Variants in RNF180 observed in about 807,000 individuals in gnomAD.
RNF180 encodes ring finger protein 180, also known as E3 ubiquitin-protein ligase RNF180.
A neutral mutation model predicts 59.2 loss-of-function variants in RNF180; 38 were observed. The observed-to-expected ratio is 0.64, with a 90% CI of 0.50 to 0.84. The LOEUF (loss-of-function observed/expected upper bound fraction) is 0.84, where lower values mean the gene tolerates loss of function less well. Among genes scored for constraint, RNF180 ranks in the 40% least tolerant of loss-of-function variants. RNF180 has a pLI of 0.00. For missense variants in RNF180, 705 were observed against 700.9 expected, an observed-to-expected ratio of 1.01 and a Z score of -0.07; for synonymous variants, 262 against 240.3, an observed-to-expected ratio of 1.09 and a Z score of -0.84.
At chr5:64,257,702 G>C (rs1320209979) in intron 5 of RNF180, among the ~76,000 whole-genome samples, 1 of 152,114 alleles carries the variant, frequency 6.6e-6, no homozygotes, top group African/African-American at 2.4e-5. Flanking sequence ...TTTGGTATCA[G>C]GATGATGCTG....
Position 64,287,125 on chromosome 5 carries a change from C to A in RNF180, c.1228-38061C>A, listed in dbSNP as rs898557585. Among the ~76,000 whole-genome samples, 8 of 152,240 alleles carry A rather than the reference C, an allele frequency of 5.3e-5. No individual in the cohort carries two copies. In the East Asian group the frequency reaches 1.6e-3, roughly 30 times the overall value. On this transcript the variant is annotated intron_variant, in intron 5 of 7. Transcript: ENST00000389100. The stretch of plus-strand genomic sequence containing the variant: ...AGAATTACAGGCACCTGCCACCACA[C>A]CTGGCTGATTTTTGTATTTTTAGTA...
chr5:64,214,586 A>G, intron 4 of RNF180, 69 bp downstream of exon 4: 4 of 1,357,798 alleles, frequency 2.9e-6, no homozygotes, highest in Non-Finnish European at 4.1e-6. Context: ...AGTGGAGCTA[A>G]CTTTCAACAT....
rs1174792706 is a variant in RNF180 at position 64,180,924 on chromosome 5, CAA to C, written c.-1+14972_-1+14973del. ...GGGTTCTCTAGAGGGGCAGAACTAA[CAA>C]GTCTGGATCCCAAAACCTCAAAAGT... On this transcript the variant is annotated intron_variant, in intron 1 of 7. Coordinates refer to ENST00000389100, the MANE Select transcript of RNF180 (RefSeq NM_001113561.2). 2.0e-5 allele frequency among the ~76,000 whole-genome samples: 3 copies of C among 152,236 alleles called. No homozygotes were observed. The East Asian group carries it at 5.8e-4, about 29-fold the overall frequency.
Position 64,276,322 on chromosome 5 carries a change from GT to G in RNF180, c.1228-48863del, listed in dbSNP as rs1561233344. Among the ~76,000 whole-genome samples, 648 of 91,722 alleles carry G rather than the reference GT, an allele frequency of 7.1e-3. 5 individuals carry two copies. The highest frequency in any genetic ancestry group is 0.024 in the African/African-American group (592 of 24,698). 60.2% of individuals were successfully genotyped at this position (91,722 alleles called of 152,430 possible). On this transcript the variant is annotated intron_variant, in intron 5 of 7. Coordinates refer to ENST00000389100, the MANE Select transcript of RNF180 (RefSeq NM_001113561.2). ...AACTGGGAACAAAAAATACATTGGT[GT>G]GTGTGTGTGTGTGTGTGTGTGTGTG...
chr5:64,175,645 T>C (rs923470377), intron 1 of RNF180, among the ~76,000 whole-genome samples: 22 of 152,182 alleles, frequency 1.4e-4, no homozygotes, highest in African/African-American at 5.3e-4. Context: ...TTTCATTGCT[T>C]TGAAAAATGT....
intron 5 of RNF180, among the ~76,000 whole-genome samples, chr5:64,232,974 T>G (rs1742189722): frequency 6.6e-6 from 1 of 152,234 alleles, no homozygotes; most frequent in Non-Finnish European, 1.5e-5. Context: ...ACCAATATGC[T>G]CCATCCTCTG....
At chr5:64,350,214 C>G (rs1229039389) in intron 7 of RNF180, among the ~76,000 whole-genome samples, 1 of 152,102 alleles carries the variant, frequency 6.6e-6, no homozygotes, top group East Asian at 1.9e-4. Context: ...TAAATGTCTT[C>G]TTTTGAGAAG....
chr5:64,308,203 TTG>T (rs1490299407), intron 5 of RNF180, among the ~76,000 whole-genome samples: 1 of 151,794 alleles, frequency 6.6e-6, no homozygotes, highest in Non-Finnish European at 1.5e-5. Flanking sequence ...TCCTCATTAT[TTG>T]TTAGTTCCAC....
intron 5 of RNF180, among the ~76,000 whole-genome samples, chr5:64,282,030 A>G (rs916429700): frequency 4.6e-5 from 7 of 152,096 alleles, no homozygotes. Context: ...GGATTTTTGC[A>G]TCCGTGTTCA....
chr5:64,295,050 TTAAATG>T (rs1476091938), intron 5 of RNF180, among the ~76,000 whole-genome samples: 1 of 152,192 alleles, frequency 6.6e-6, no homozygotes, highest in Admixed American at 6.5e-5. Context: ...TGTAAGGTTT[TTAAATG>T]TAAGTGTTAT....
intron 5 of RNF180, among the ~76,000 whole-genome samples, chr5:64,221,189 G>C (rs1741307647): frequency 6.6e-6 from 1 of 151,894 alleles, no homozygotes; most frequent in Admixed American, 6.6e-5. Context: ...TTAAAATAGT[G>C]ATCCAAATAT....
At chr5:64,360,286 G>C (rs1746198185) in intron 7 of RNF180, among the ~76,000 whole-genome samples, 1 of 151,670 alleles carries the variant, frequency 6.6e-6, no homozygotes, top group South Asian at 2.1e-4. Context: ...ATGTAATCCA[G>C]CATATAAACA....
At chr5:64,183,640 G>A (rs767078698) in intron 1 of RNF180, among the ~76,000 whole-genome samples, 32 of 151,798 alleles carry the variant, frequency 2.1e-4, no homozygotes, top group Non-Finnish European at 3.4e-4. Flanking sequence ...TAGAGATAAG[G>A]TTTCACCTTC....
At chr5:64,206,622 A>G (rs1001359633) in intron 2 of RNF180, among the ~76,000 whole-genome samples, 5 of 152,202 alleles carry the variant, frequency 3.3e-5, no homozygotes, top group Non-Finnish European at 5.9e-5. Context: ...AGCACATGCT[A>G]TGCTATGGAC....
At chr5:64,361,345 A>G (rs1172167334) in intron 7 of RNF180, among the ~76,000 whole-genome samples, 1 of 151,586 alleles carries the variant, frequency 6.6e-6, no homozygotes, top group Non-Finnish European at 1.5e-5. Flanking sequence ...CAATTTAATA[A>G]AATTAATATT....
At chr5:64,326,699 T>G (rs1175608094) in intron 6 of RNF180, among the ~76,000 whole-genome samples, 5 of 152,156 alleles carry the variant, frequency 3.3e-5, no homozygotes, top group African/African-American at 1.2e-4. Context: ...TCTTGATGTG[T>G]TGTTGGATTC....
chr5:64,315,725 T>C (rs1229862497), intron 5 of RNF180, among the ~76,000 whole-genome samples: 1 of 115,740 alleles, frequency 8.6e-6, no homozygotes, highest in Non-Finnish European at 1.7e-5. Flanking sequence ...AACAAGAGCG[T>C]AACTGTCTCA....
intron 2 of RNF180, among the ~76,000 whole-genome samples, chr5:64,211,738 A>G (rs1752323151): frequency 6.6e-6 from 1 of 152,190 alleles, no homozygotes; most frequent in Non-Finnish European, 1.5e-5. Flanking sequence ...AGTTGCCATG[A>G]AAGACACTAT....
At chr5:64,315,412 A>T (rs985478145) in intron 5 of RNF180, among the ~76,000 whole-genome samples, 8 of 152,158 alleles carry the variant, frequency 5.3e-5, no homozygotes, top group Non-Finnish European at 1.2e-4. Context: ...TTCTATGAAA[A>T]AAGAAGCTAA....
Sources: gnomAD v4.1 joint callset for allele counts (sites outside exome capture counted in the v4.1 genomes callset) on GRCh38, gnomAD v4.1.1 for gene constraint, MANE v1.5 for transcripts, NCBI Gene and HGNC (gene_info 2026-07-23, HGNC 2026-07-21) for gene names.